The following CEP63 variants were observed in gnomAD, a reference collection of about 807,000 sequenced individuals.
CEP63 encodes the protein centrosomal protein 63.
CEP63 carries 84 observed loss-of-function variants against 89.1 expected under a neutral mutation model. That is an observed-to-expected ratio of 0.94 (90% CI 0.79 to 1.13). The LOEUF (loss-of-function observed/expected upper bound fraction) is 1.13. Among genes scored for constraint, CEP63 ranks in the 50% most tolerant of loss-of-function variants. The probability of loss-of-function intolerance (pLI) is 0.00; values close to 1 mark genes in which losing one functional copy is unlikely to be tolerated. For missense variants in CEP63, 838 were observed against 813.3 expected (o/e 1.03, Z -0.37); for synonymous variants, 267 against 272.5 (o/e 0.98, Z 0.20).
chr3:134,741,252 T>C, the CEP63 span, among the ~76,000 whole-genome samples: 5 of 152,178 alleles, frequency 3.3e-5, no homozygotes, highest in African/African-American at 4.8e-5. Flanking sequence ...GTTTCTTCGG[T>C]CTGCACCTTG....
chr3:134,640,735 T>C, the CEP63 span, among the ~76,000 whole-genome samples: 1 of 152,192 alleles, frequency 6.6e-6, no homozygotes, highest in Non-Finnish European at 1.5e-5. Flanking sequence ...CTGCTCTTCC[T>C]GCATCTCCCT....
chr3:134,726,135 G>A, the CEP63 span, among the ~76,000 whole-genome samples: 1 of 152,104 alleles, frequency 6.6e-6, no homozygotes, highest in South Asian at 2.1e-4. Context: ...GATTATTTCG[G>A]GAGTGCATCT....
chr3:134,729,085 T>C, the CEP63 span, among the ~76,000 whole-genome samples: 17 of 152,314 alleles, frequency 1.1e-4, no homozygotes, highest in Admixed American at 2.0e-4. Context: ...AGGGTTTATT[T>C]TTAATTTTTA....
chr3:134,755,965 G>C, the CEP63 span, among the ~76,000 whole-genome samples: 1 of 152,192 alleles, frequency 6.6e-6, no homozygotes, highest in Admixed American at 6.5e-5. Context: ...CATGACCTGA[G>C]CCCCATCCAG....
the CEP63 span, among the ~76,000 whole-genome samples, chr3:134,769,530 A>C: frequency 1.3e-5 from 2 of 152,256 alleles, no homozygotes; most frequent in African/African-American, 4.8e-5. Context: ...ATTTTTAAAC[A>C]GTTCCACAGG....
At chr3:134,620,290 T>C in the CEP63 span, among the ~76,000 whole-genome samples, 2 of 152,230 alleles carry the variant, frequency 1.3e-5, no homozygotes, top group African/African-American at 2.4e-5. Flanking sequence ...GTTGCTAGTG[T>C]GGGAGCAGGA....
the CEP63 span, among the ~76,000 whole-genome samples, chr3:134,757,689 G>C: frequency 6.6e-6 from 1 of 152,188 alleles, no homozygotes; most frequent in Admixed American, 6.5e-5. Flanking sequence ...AGACACACTG[G>C]GAGTGAGGGG....
intron 3 of CEP63, among the ~76,000 whole-genome samples, chr3:134,515,557 A>G (rs1437230573): frequency 2.0e-5 from 3 of 152,244 alleles, no homozygotes; most frequent in Admixed American, 2.0e-4. Context: ...GCATTACTCA[A>G]GGTGAAGAAA....
the CEP63 span, among the ~76,000 whole-genome samples, chr3:134,651,970 C>A: frequency 2.6e-5 from 4 of 152,134 alleles, no homozygotes; most frequent in Non-Finnish European, 5.9e-5. Context: ...AATAAATGCA[C>A]CCCCACATGG....
the CEP63 span, among the ~76,000 whole-genome samples, chr3:134,682,084 T>G: frequency 6.6e-6 from 1 of 152,162 alleles, no homozygotes; most frequent in Non-Finnish European, 1.5e-5. Flanking sequence ...GTTTTCTGAG[T>G]GGCTAAGCCT....
the CEP63 span, chr3:134,597,874 A>C: frequency 3.3e-5 from 5 of 152,200 alleles, no homozygotes; most frequent in African/African-American, 4.8e-5. Context: ...GAACTGGTCC[A>C]CCTGAACATA....
the CEP63 span, chr3:134,603,838 C>T: frequency 6.2e-7 from 1 of 1,613,994 alleles, no homozygotes; most frequent in South Asian, 1.1e-5. Flanking sequence ...ATTGTCCTGT[C>T]CCCAGTTGCC....
chr3:134,734,859 C>A, the CEP63 span, among the ~76,000 whole-genome samples: 3 of 152,124 alleles, frequency 2.0e-5, no homozygotes, highest in Non-Finnish European at 4.4e-5. Context: ...TATATACATT[C>A]ATTCGTCATT....
chr3:134,720,396 C>T, the CEP63 span, among the ~76,000 whole-genome samples: 1 of 152,010 alleles, frequency 6.6e-6, no homozygotes, highest in African/African-American at 2.4e-5. Context: ...CAAATATTTT[C>T]TCCTATTATT....
At chr3:134,781,570 G>A in the CEP63 span, among the ~76,000 whole-genome samples, 1 of 151,116 alleles carries the variant, frequency 6.6e-6, no homozygotes, top group Non-Finnish European at 1.5e-5. Flanking sequence ...CACTACCTGG[G>A]TGATGGATCA....
chr3:134,734,835 A>G, the CEP63 span, among the ~76,000 whole-genome samples: 1 of 152,132 alleles, frequency 6.6e-6, no homozygotes, highest in Non-Finnish European at 1.5e-5. Flanking sequence ...TGTCAACTAA[A>G]ACTCCATTTG....
intron 3 of CEP63, among the ~76,000 whole-genome samples, chr3:134,514,999 T>C (rs1945899292): frequency 6.6e-6 from 1 of 152,292 alleles, no homozygotes; most frequent in African/African-American, 2.4e-5. Flanking sequence ...TACAGGTGCA[T>C]GTCACTGTGC....
the CEP63 span, among the ~76,000 whole-genome samples, chr3:134,695,493 AG>A: frequency 3.9e-5 from 6 of 152,216 alleles, no homozygotes; most frequent in African/African-American, 1.2e-4. Flanking sequence ...CCCGACTCAC[AG>A]GAGGACACTG....
chr3:134,643,160 C>T, the CEP63 span, among the ~76,000 whole-genome samples: 3 of 151,724 alleles, frequency 2.0e-5, no homozygotes, highest in South Asian at 4.2e-4. Flanking sequence ...TCCCATGAGA[C>T]GCAGGGAGAG....
Sources: gnomAD v4.1 joint callset for allele counts (sites outside exome capture counted in the v4.1 genomes callset) on GRCh38, gnomAD v4.1.1 for gene constraint, MANE v1.5 for transcripts, NCBI Gene and HGNC (gene_info 2026-07-23, HGNC 2026-07-21) for gene names.